The following LARGE1 variants were observed in gnomAD, a reference collection of about 807,000 sequenced individuals.
LARGE1 encodes LARGE xylosyl- and glucuronyltransferase 1, also known as xylosyl- and glucuronyltransferase LARGE1.
A neutral mutation model predicts 87.6 loss-of-function variants in LARGE1; 43 were observed. That is an observed-to-expected ratio of 0.49 (90% CI 0.38 to 0.63). The LOEUF (loss-of-function observed/expected upper bound fraction) is 0.63. LARGE1 is among the 30% of genes least tolerant of loss of function. The pLI, the probability that LARGE1 is intolerant of heterozygous loss-of-function variation, is 0.00. For synonymous variants in LARGE1, 434 were observed against 394.6 expected (o/e 1.10, Z -1.18); for missense variants, 802 against 1,000.2 (o/e 0.80, Z 2.67).
intron 2 of LARGE1, among the ~76,000 whole-genome samples, chr22:33,681,483 ACATC>A (rs796356096): frequency 5.3e-5 from 8 of 152,332 alleles, no homozygotes; most frequent in African/African-American, 1.9e-4. Context: ...AATACTAACA[ACATC>A]TACCTCATAC....
chr22:33,743,067 T>A (rs1417285416), intron 2 of LARGE1: 1 of 152,048 alleles, frequency 6.6e-6, no homozygotes, highest in Admixed American at 6.6e-5. Flanking sequence ...CCCCGTATTC[T>A]CTCTCCTGCT....
intron 2 of LARGE1, among the ~76,000 whole-genome samples, chr22:33,720,632 C>G (rs1032780114): frequency 6.6e-6 from 1 of 152,214 alleles, no homozygotes; most frequent in African/African-American, 2.4e-5. Flanking sequence ...CCAGCACACA[C>G]TTGAGGTCCA....
chr22:33,793,427 G>C (rs2085883966), intron 1 of LARGE1, among the ~76,000 whole-genome samples: 1 of 152,202 alleles, frequency 6.6e-6, no homozygotes, highest in Admixed American at 6.5e-5. Context: ...GAAACAGGGA[G>C]CAGCAGCTTC....
the LARGE1 span, among the ~76,000 whole-genome samples, chr22:33,120,367 T>TCC: frequency 1.4e-5 from 1 of 71,442 alleles, no homozygotes; most frequent in Non-Finnish European, 2.6e-5. Flanking sequence ...TTTTTCTTTC[T>TCC]TTCTTTCTTT....
At chr22:33,117,161 T>C in the LARGE1 span, among the ~76,000 whole-genome samples, 15 of 152,230 alleles carry the variant, frequency 9.9e-5, no homozygotes, top group Non-Finnish European at 1.6e-4. Flanking sequence ...TCTACCTTCC[T>C]AGTTACCTTC....
chr22:33,761,773 C>G (rs953770653), intron 1 of LARGE1, among the ~76,000 whole-genome samples: 3 of 152,270 alleles, frequency 2.0e-5, no homozygotes, highest in Admixed American at 1.3e-4. Flanking sequence ...AGCTCGCTCT[C>G]TCACACACAC....
intron 1 of LARGE1, among the ~76,000 whole-genome samples, chr22:33,777,111 GAGA>G (rs1301932116): frequency 1.3e-5 from 2 of 152,164 alleles, no homozygotes; most frequent in Admixed American, 6.5e-5. Context: ...TCAAAAGAGT[GAGA>G]AGGAGAGAGA....
intron 5 of LARGE1, among the ~76,000 whole-genome samples, chr22:33,586,456 C>CT (rs130421): frequency 0.016 from 2,250 of 140,186 alleles, 27 homozygotes; most frequent in African/African-American, 0.031. Flanking sequence ...AACAAGATTT[C>CT]TTTTTTTTTT....
intron 1 of LARGE1, among the ~76,000 whole-genome samples, chr22:33,787,321 G>T (rs1363045324): frequency 6.6e-6 from 1 of 152,068 alleles, no homozygotes; most frequent in African/African-American, 2.4e-5. Context: ...ATTGTCCCTG[G>T]CAATAAGTGA....
chr22:33,357,516 C>G (rs1941006493), intron 9 of LARGE1, among the ~76,000 whole-genome samples: 1 of 152,206 alleles, frequency 6.6e-6, no homozygotes, highest in African/African-American at 2.4e-5. Context: ...AAAAAGATGC[C>G]TGGCCCAGTG....
chr22:33,399,421 T>C (rs2065864279), intron 7 of LARGE1, among the ~76,000 whole-genome samples: 1 of 152,234 alleles, frequency 6.6e-6, no homozygotes, highest in African/African-American at 2.4e-5. Flanking sequence ...GTCTTTGCTA[T>C]TGTAAATAGT....
At chr22:33,860,115 G>C (rs1156636036) in intron 1 of LARGE1, among the ~76,000 whole-genome samples, 1 of 152,068 alleles carries the variant, frequency 6.6e-6, no homozygotes, top group East Asian at 1.9e-4. Context: ...TCAATCTTAT[G>C]TGTATTTTAC....
At chr22:33,591,779 A>G (rs549594405) in intron 5 of LARGE1, among the ~76,000 whole-genome samples, 1 of 150,370 alleles carries the variant, frequency 6.7e-6, no homozygotes, top group East Asian at 2.0e-4. Context: ...AGGCCGAGGT[A>G]GCAGGACTGC....
intron 6 of LARGE1, among the ~76,000 whole-genome samples, chr22:33,518,838 A>G (rs5994767): frequency 0.04 from 6,139 of 152,126 alleles, 213 homozygotes; most frequent in African/African-American, 0.095. Flanking sequence ...TTTAAGTGTT[A>G]ATTCTGATCA....
chr22:33,271,000 A>C (rs935041788), downstream of LARGE1, among the ~76,000 whole-genome samples: 1 of 152,252 alleles, frequency 6.6e-6, no homozygotes, highest in African/African-American at 2.4e-5. Context: ...TCAGAGAATC[A>C]ATTACTATCC....
chr22:33,268,621 G>A (rs1484910843), downstream of LARGE1, among the ~76,000 whole-genome samples: 1 of 151,806 alleles, frequency 6.6e-6, no homozygotes, highest in Admixed American at 6.6e-5. Flanking sequence ...TAGAGATGGG[G>A]TTTCACCATG....
intron 1 of LARGE1, among the ~76,000 whole-genome samples, chr22:33,837,886 T>C (rs1045893533): frequency 6.6e-6 from 1 of 152,178 alleles, no homozygotes; most frequent in South Asian, 2.1e-4. Context: ...GTGGGAAAGT[T>C]GAGGATATTC....
At chr22:33,851,413 G>A (rs1366875604) in intron 1 of LARGE1, among the ~76,000 whole-genome samples, 1 of 152,158 alleles carries the variant, frequency 6.6e-6, no homozygotes, top group African/African-American at 2.4e-5. Context: ...TCTGCCTTCT[G>A]TCACATCCTG....
chr22:33,498,863 T>C (rs2148348370), intron 6 of LARGE1, among the ~76,000 whole-genome samples: 1 of 152,068 alleles, frequency 6.6e-6, no homozygotes, highest in East Asian at 1.9e-4. Context: ...TCCCAGCTAC[T>C]TGGGAAGCTG....
Sources: allele counts gnomAD v4.1 joint callset (sites outside exome capture counted in the v4.1 genomes callset), GRCh38; gene constraint gnomAD v4.1.1; transcripts MANE v1.5; gene names NCBI Gene and HGNC (gene_info 2026-07-23, HGNC 2026-07-21).